Variants in SDK1 observed in about 807,000 individuals in gnomAD.
SDK1 encodes sidekick cell adhesion molecule 1.
SDK1 carries 157 observed loss-of-function variants against 245.5 expected under a neutral mutation model. The observed-to-expected ratio is 0.64, with a 90% confidence interval of 0.56 to 0.73. The LOEUF is 0.73. Ranked by LOEUF, SDK1 falls within the 30% of genes least tolerant of loss-of-function variation. The probability of loss-of-function intolerance (pLI) is 0.00; values close to 1 mark genes in which losing one functional copy is unlikely to be tolerated. For missense variants in SDK1, 3,583 were observed against 3,002.3 expected (o/e 1.19, Z -4.52); for synonymous variants, 1,647 against 1,278.5 (o/e 1.29, Z -6.15).
chr7:3,476,909 A>T (rs1781362359), intron 1 of SDK1, among the ~76,000 whole-genome samples: 2 of 152,118 alleles, frequency 1.3e-5, no homozygotes, highest in South Asian at 2.1e-4. Flanking sequence ...GGGAAAGAGG[A>T]ACTCCTCTAA....
chr7:4,007,573 G>A (rs1287902018), intron 14 of SDK1, among the ~76,000 whole-genome samples: 1 of 152,132 alleles, frequency 6.6e-6, no homozygotes, highest in East Asian at 1.9e-4. Context: ...AGTCTTGGGG[G>A]TTATATATTA....
intron 35 of SDK1, among the ~76,000 whole-genome samples, chr7:4,192,158 T>TA (rs1460745846): frequency 1.3e-5 from 2 of 152,230 alleles, no homozygotes; most frequent in Non-Finnish European, 2.9e-5. Flanking sequence ...GCTTCGTAGA[T>TA]ACTGTGTCAG....
In SDK1 at chr7:4,079,342, A is replaced by G. The variant is rs897530996; in HGVS notation, c.3203-121A>G. The G allele has an allele frequency of 1.3e-5, 16 of 1,219,134 alleles. No homozygotes were observed. In the East Asian group the frequency reaches 3.5e-4, roughly 27 times the overall value. 75.5% of individuals were successfully genotyped at this position (1,219,134 alleles called of 1,614,324 possible). The stretch of plus-strand genomic sequence containing the variant: ...TCTCACCTTCATGGTTTTGAGAGCA[A>G]ATCCTTTTTTGGTATAGAATCGTTT... On this transcript the variant is annotated intron_variant, in intron 21 of 44. Coordinates refer to ENST00000404826, the MANE Select transcript of SDK1 (RefSeq NM_152744.4).
chr7:4,031,193 G>A (rs963563693), intron 17 of SDK1, among the ~76,000 whole-genome samples: 2 of 152,044 alleles, frequency 1.3e-5, no homozygotes, highest in East Asian at 1.9e-4. Flanking sequence ...ATATATACAC[G>A]TACATCTGTA....
intron 14 of SDK1, among the ~76,000 whole-genome samples, chr7:4,004,171 T>C (rs1344579513): frequency 6.6e-6 from 1 of 152,192 alleles, no homozygotes; most frequent in Non-Finnish European, 1.5e-5. Context: ...CTTATTGAGC[T>C]CCTACTGTGT....
At chr7:3,766,580 G>C (rs1249063457) in intron 4 of SDK1, among the ~76,000 whole-genome samples, 1 of 152,144 alleles carries the variant, frequency 6.6e-6, no homozygotes, top group South Asian at 2.1e-4. Flanking sequence ...GAGATACTTA[G>C]AGCAGTACTT....
intron 28 of SDK1, among the ~76,000 whole-genome samples, chr7:4,144,404 T>G (rs625405): frequency 0.77 from 117,189 of 151,606 alleles, 45,490 homozygotes; most frequent in African/African-American, 0.87. Flanking sequence ...TAGAGGTGGC[T>G]GCGTCATGGA....
At chr7:3,700,934 G>A in intron 4 of SDK1, among the ~76,000 whole-genome samples, 1 of 152,050 alleles carries the variant, frequency 6.6e-6, no homozygotes, top group East Asian at 1.9e-4. Context: ...TTTCTTCACT[G>A]ATAGGAGATT....
At chr7:4,032,043 A>C (rs1193651466) in intron 17 of SDK1, among the ~76,000 whole-genome samples, 2 of 151,198 alleles carry the variant, frequency 1.3e-5, no homozygotes, top group African/African-American at 4.9e-5. Flanking sequence ...AAAAAAAAAA[A>C]AGTACATAGA....
intron 22 of SDK1, among the ~76,000 whole-genome samples, chr7:4,083,280 C>T (rs955621802): frequency 5.9e-5 from 9 of 151,604 alleles, no homozygotes; most frequent in African/African-American, 1.9e-4. Flanking sequence ...CCCTCCCCGT[C>T]CCCACAACCA....
At chr7:3,572,588 A>T (rs552295127) in intron 1 of SDK1, among the ~76,000 whole-genome samples, 1 of 152,032 alleles carries the variant, frequency 6.6e-6, no homozygotes, top group Non-Finnish European at 1.5e-5. Context: ...TGTGAGCCCA[A>T]TGCATGGTGG....
intron 1 of SDK1, among the ~76,000 whole-genome samples, chr7:3,363,620 G>A (rs897604121): frequency 6.6e-6 from 1 of 152,142 alleles, no homozygotes; most frequent in African/African-American, 2.4e-5. Context: ...GGATGGTTTT[G>A]GGATGAAACT....
intron 9 of SDK1, among the ~76,000 whole-genome samples, chr7:3,965,637 A>G (rs1420643703): frequency 6.6e-6 from 1 of 152,064 alleles, no homozygotes; most frequent in Non-Finnish European, 1.5e-5. Flanking sequence ...GGCTGTGAGG[A>G]AGACAGGTGA....
rs1430788372 is a variant in SDK1, at chr7:4,149,332, G to A, written c.4494G>A (p.Gln1498=). ...TGACCGCACGCAGCCTCCGGCTCCA[G>A]TGGGTCCCGGGCAGCGACGGGGCCT... The part of the protein sequence containing the change: ...AEVTARSLRL[Q]WVPGSDGASP... Residue 1498 remains glutamine (Q), a synonymous_variant, in exon 30 of 45, where the codon CAG becomes CAA. Coordinates refer to ENST00000404826, the MANE Select transcript of SDK1 (RefSeq NM_152744.4). 2 of 1,591,886 alleles carry A rather than the reference G, an allele frequency of 1.3e-6. No individual in the cohort carries two copies. The highest frequency in any genetic ancestry group is 1.7e-5 in the Admixed American group (1 of 57,180).
chr7:4,048,575 G>C (rs1189175724), intron 17 of SDK1, among the ~76,000 whole-genome samples: 1 of 151,806 alleles, frequency 6.6e-6, no homozygotes. Context: ...CCAGCTGAGA[G>C]TGCCCTTCTC....
At chr7:4,246,930 T>C (rs1012594511) in intron 44 of SDK1, among the ~76,000 whole-genome samples, 2 of 152,196 alleles carry the variant, frequency 1.3e-5, no homozygotes, top group African/African-American at 4.8e-5. Flanking sequence ...GAGGGGGCTC[T>C]AAGCAGGGGG....
chr7:3,806,261 A>G (rs111346065), intron 4 of SDK1, among the ~76,000 whole-genome samples: 1,645 of 152,002 alleles, frequency 0.011, 43 homozygotes, highest in African/African-American at 0.038. Flanking sequence ...TCCCTTTCCC[A>G]TGTGAGGTAA....
chr7:3,346,807 G>GTGTA (rs796252256), intron 1 of SDK1, among the ~76,000 whole-genome samples: 1,289 of 42,110 alleles, frequency 0.031, 100 homozygotes, highest in East Asian at 0.038. Context: ...GTGTGTGTGT[G>GTGTA]TATATATATA....
At chr7:3,334,461 C>A (rs541742744) in intron 1 of SDK1, among the ~76,000 whole-genome samples, 1 of 151,960 alleles carries the variant, frequency 6.6e-6, no homozygotes, top group Non-Finnish European at 1.5e-5. Flanking sequence ...GCTGTCATAG[C>A]CCCGTAGAGA....
Sources: gnomAD v4.1 joint callset for allele counts (sites outside exome capture counted in the v4.1 genomes callset) on GRCh38, gnomAD v4.1.1 for gene constraint, MANE v1.5 for transcripts, NCBI Gene and HGNC (gene_info 2026-07-23, HGNC 2026-07-21) for gene names.